Variants in GNB5 observed in about 807,000 individuals in gnomAD.
GNB5 encodes G protein subunit beta 5, also known as guanine nucleotide-binding protein subunit beta-5.
A neutral mutation model predicts 55.3 loss-of-function variants in GNB5; 37 were observed. The ratio of observed to expected loss-of-function variants is 0.67; its 90% CI spans 0.51 to 0.88. The LOEUF (loss-of-function observed/expected upper bound fraction) is 0.88, where lower values mean the gene tolerates loss of function less well. GNB5 is among the 40% of genes least tolerant of loss of function. GNB5 has a pLI of 0.00. For synonymous variants in GNB5, 219 were observed against 198.5 expected, an observed-to-expected ratio of 1.10 and a Z score of -0.87; for missense variants, 476 against 515.3, an observed-to-expected ratio of 0.92 and a Z score of 0.74.
intron 7 of GNB5, among the ~76,000 whole-genome samples, chr15:52,136,155 C>CCCT (rs2033712287): frequency 3.6e-5 from 5 of 138,098 alleles, no homozygotes; most frequent in Admixed American, 7.2e-5. Flanking sequence ...CACACACACA[C>CCCT]ACACACACAC....
At chr15:52,170,831 C>G (rs1433026633) in intron 3 of GNB5, among the ~76,000 whole-genome samples, 1 of 151,798 alleles carries the variant, frequency 6.6e-6, no homozygotes, top group Non-Finnish European at 1.5e-5. Context: ...TGAGGCTGGG[C>G]GTGGTGGCTC....
intron 1 of GNB5, among the ~76,000 whole-genome samples, chr15:52,187,819 C>T (rs1474558585): frequency 1.3e-5 from 2 of 151,996 alleles, no homozygotes; most frequent in Non-Finnish European, 2.9e-5. Context: ...CGTTGTGGTG[C>T]GCACCTGTAA....
At chr15:52,183,420 C>T (rs1001055568) in intron 2 of GNB5, among the ~76,000 whole-genome samples, 5 of 151,868 alleles carry the variant, frequency 3.3e-5, no homozygotes, top group East Asian at 1.9e-4. Flanking sequence ...CAAGTTAGAA[C>T]GTAGACTGTA....
intron 7 of GNB5, among the ~76,000 whole-genome samples, chr15:52,136,143 CACACACACACACACACACACACACACACA>C (rs2033711029): frequency 7.4e-6 from 1 of 134,908 alleles, no homozygotes; most frequent in Middle Eastern, 3.4e-3. Flanking sequence ...CACACACACA[CACACACACACACACACACACACACACACA>C]CCCTACCTGC....
chr15:52,161,024 T>G (rs1028292599), intron 3 of GNB5, among the ~76,000 whole-genome samples: 3 of 152,188 alleles, frequency 2.0e-5, no homozygotes, highest in Non-Finnish European at 4.4e-5. Flanking sequence ...CACCATTGAT[T>G]GTGTGTCTCC....
chr15:52,136,126 A>ACGGAAAAG (rs2033710001), intron 7 of GNB5, among the ~76,000 whole-genome samples: 3 of 80,544 alleles, frequency 3.7e-5, no homozygotes, highest in African/African-American at 1.4e-4. Flanking sequence ...ACACACACAC[A>ACGGAAAAG]CACACACACA....
intron 3 of GNB5, among the ~76,000 whole-genome samples, chr15:52,171,499 C>T (rs2034554296): frequency 1.3e-5 from 2 of 152,036 alleles, no homozygotes; most frequent in South Asian, 2.1e-4. Context: ...CTCTAAACAC[C>T]CTTGCATTAG....
chr15:52,155,790 CAT>C (rs1172792403), intron 3 of GNB5, among the ~76,000 whole-genome samples: 6 of 152,218 alleles, frequency 3.9e-5, no homozygotes, highest in East Asian at 1.9e-4. Flanking sequence ...CACCTGGGCA[CAT>C]GAGTCCCACT....
intron 7 of GNB5, among the ~76,000 whole-genome samples, chr15:52,136,111 AAAACACACACACACACACACACACACAC>A (rs2033707237): frequency 2.6e-5 from 2 of 77,142 alleles, no homozygotes; most frequent in African/African-American, 6.7e-5. Flanking sequence ...GGAAAAGCAG[AAAACACACACACACACACACACACACAC>A]ACACACACAC....
At chr15:52,132,513 G>A (rs1241250441) in intron 9 of GNB5, among the ~76,000 whole-genome samples, 4 of 144,282 alleles carry the variant, frequency 2.8e-5, no homozygotes, top group African/African-American at 7.8e-5. Context: ...TTTGAGACAC[G>A]GTCTTGCTCT....
chr15:52,138,045 T>C, intron 7 of GNB5: 2 of 897,862 alleles, frequency 2.2e-6, no homozygotes, highest in South Asian at 2.7e-5. Flanking sequence ...ATGGGATCTC[T>C]CCTCCTCACC....
intron 1 of GNB5, among the ~76,000 whole-genome samples, chr15:52,185,443 C>A (rs1017854248): frequency 6.6e-6 from 1 of 152,208 alleles, no homozygotes; most frequent in Non-Finnish European, 1.5e-5. Flanking sequence ...GCACTTAGCT[C>A]AAGGTCGGTA....
rs2033129347 is a variant in GNB5 at position 52,115,458 on chromosome 15, A to G, written c.*7299T>C. 6.6e-6 allele frequency: 1 copy of G among 152,226 alleles called. No homozygotes were observed. Among genetic ancestry groups the G allele is most frequent in the Non-Finnish European group, 1.5e-5 (1 of 68,046 alleles). 9.4% of individuals were successfully genotyped at this position (152,226 alleles called of 1,614,324 possible). On this transcript the variant is annotated 3_prime_UTR_variant, in exon 13 of 13. Transcript: ENST00000261837. Reference sequence around the variant, plus strand: ...GGGGCATCACGGGGCTGTCACAAGGATTACATGAATCGGTATATACAAAGT... The same window carrying G: ...GGGGCATCACGGGGCTGTCACAAGGGTTACATGAATCGGTATATACAAAGT...
chr15:52,127,506 C>T (rs1375752810), intron 10 of GNB5, among the ~76,000 whole-genome samples: 3 of 151,974 alleles, frequency 2.0e-5, no homozygotes, highest in African/African-American at 7.2e-5. Context: ...AATTTTGTTA[C>T]AATATATTTC....
intron 5 of GNB5, among the ~76,000 whole-genome samples, chr15:52,148,483 G>C (rs2034023660): frequency 6.6e-6 from 1 of 152,220 alleles, no homozygotes; most frequent in Non-Finnish European, 1.5e-5. Context: ...GTGTGCGGTT[G>C]CACATCTTGG....
At chr15:52,178,532 T>TG (rs2034696560) in intron 3 of GNB5, among the ~76,000 whole-genome samples, 1 of 152,238 alleles carries the variant, frequency 6.6e-6, no homozygotes, top group African/African-American at 2.4e-5. Flanking sequence ...CTGGGTCCCT[T>TG]GGTGGGGGGT....
At chr15:52,147,365 A>G in intron 6 of GNB5, 94 bp downstream of exon 6, 2 of 802,028 alleles carry the variant, frequency 2.5e-6, no homozygotes, top group Non-Finnish European at 4.5e-6. Context: ...ATTAAACAAC[A>G]AAAACTGTGA....
At chr15:52,150,142 C>A (rs972720649) in intron 4 of GNB5, among the ~76,000 whole-genome samples, 2 of 152,174 alleles carry the variant, frequency 1.3e-5, no homozygotes, top group African/African-American at 4.8e-5. Context: ...CAGTTCTCAA[C>A]CTTACATTCC....
intron 10 of GNB5, 74 bp downstream of exon 10, chr15:52,128,120 AAT>A (rs2033474473): frequency 1.0e-6 from 1 of 966,016 alleles, no homozygotes; most frequent in Non-Finnish European, 1.7e-6. Flanking sequence ...TAACCAGAAA[AAT>A]AGTTATTTTC....
Sources: allele counts gnomAD v4.1 joint callset (sites outside exome capture counted in the v4.1 genomes callset), GRCh38; gene constraint gnomAD v4.1.1; transcripts MANE v1.5; gene names NCBI Gene and HGNC (gene_info 2026-07-23, HGNC 2026-07-21).